LCOR: variants seen among roughly 807,000 people sequenced by gnomAD.
LCOR encodes ligand dependent nuclear receptor corepressor.
In LCOR, 14 loss-of-function variants were observed where a neutral mutation model predicts 64.4. The ratio of observed to expected loss-of-function variants is 0.22; its 90% confidence interval spans 0.14 to 0.34. LCOR has a LOEUF of 0.34. Ranked by LOEUF, LCOR falls within the 10% of genes least tolerant of loss-of-function variation. LCOR has a pLI of 1.00. For missense variants in LCOR, 1,686 were observed against 1,765.3 expected, an observed-to-expected ratio of 0.96 and a Z score of 0.80; for synonymous variants, 643 against 642.5, an observed-to-expected ratio of 1.00 and a Z score of -0.01.
rs1293763151 is a variant in LCOR at position 96,920,687 on chromosome 10, T to TGTATATAC, written c.-184+12947_-184+12948insCGTATATA. On this transcript the variant is annotated intron_variant, in intron 4 of 7. Transcript: ENST00000421806. ...GTATATATGTATATATTCATATATG[T>TGTATATAC]GTATATATGTTCATATATGTGTGTA... 4.2e-4 allele frequency among the ~76,000 whole-genome samples: 59 copies of TGTATATAC among 141,110 alleles called. 1 individual carries two copies. Among genetic ancestry groups the TGTATATAC allele is most frequent in the African/African-American group, 1.7e-3 (57 of 33,248 alleles). The allele number at this position is 141,110 out of a possible 152,430, so 92.6% of individuals were successfully genotyped here. A position where few individuals can be genotyped will look rare whatever the true frequency, so the allele number is the denominator to read the frequency against.
chr10:96,991,753 GC>G lies in LCOR; in HGVS notation c.*6622del, dbSNP rs1440631841. 20 of 152,192 alleles carry G rather than the reference GC, an allele frequency of 1.3e-4. No individual in the cohort carries two copies. The highest frequency in any genetic ancestry group is 4.8e-4 in the African/African-American group (20 of 41,434). 9.4% of individuals were successfully genotyped at this position (152,192 alleles called of 1,614,324 possible). ...GACAGAACAAGTTCAGGGCTCTCCA[GC>G]CCAGCCCGAGTCACTGCTCGTTCTG... On this transcript the variant is annotated 3_prime_UTR_variant, in exon 8 of 8. Transcript: ENST00000421806.
chr10:96,918,780 G>A (rs1589655032), intron 4 of LCOR, among the ~76,000 whole-genome samples: 2 of 152,178 alleles, frequency 1.3e-5, no homozygotes, highest in African/African-American at 2.4e-5. Context: ...TATAAGAACC[G>A]TGGCCAACTG....
intron 7 of LCOR, 65 bp downstream of exon 7, chr10:96,952,261 G>C: frequency 9.2e-7 from 1 of 1,081,414 alleles, no homozygotes; most frequent in Non-Finnish European, 1.4e-6. Context: ...GTTGATGCCA[G>C]TCTCCCTTTT....
chr10:96,850,526 C>T (rs1220771727), intron 2 of LCOR, among the ~76,000 whole-genome samples: 1 of 152,118 alleles, frequency 6.6e-6, no homozygotes, highest in South Asian at 2.1e-4. Flanking sequence ...GCATCTCTGT[C>T]ACCCAGGCTG....
rs545314299 is a variant in LCOR, at chr10:96,932,272, G to GA, written c.-183-11837dup. Among the ~76,000 whole-genome samples, 13 of 151,956 alleles carry GA rather than the reference G, an allele frequency of 8.6e-5. No homozygotes were observed. The South Asian group carries it at 2.7e-3, about 32-fold the overall frequency. ...AAAAAGTACCCTCAAACATTGCTTG[G>GA]AAAATTAAGTGTTATTCAGTAGATG... On this transcript the variant is annotated intron_variant, in intron 4 of 7. Coordinates refer to ENST00000421806, the MANE Select transcript of LCOR (RefSeq NM_001346516.2).
intron 4 of LCOR, among the ~76,000 whole-genome samples, chr10:96,930,993 A>G (rs937071008): frequency 1.3e-5 from 2 of 152,206 alleles, no homozygotes; most frequent in African/African-American, 4.8e-5. Flanking sequence ...GACAAACTCC[A>G]TATTTGAAAA....
chr10:96,987,642 T>A lies in LCOR; in HGVS notation c.*2508T>A, dbSNP rs1384910331. 2 of 152,250 alleles carry A rather than the reference T, an allele frequency of 1.3e-5. No individual in the cohort carries two copies. The highest frequency in any genetic ancestry group is 4.8e-5 in the African/African-American group (2 of 41,462). 9.4% of individuals were successfully genotyped at this position (152,250 alleles called of 1,614,324 possible). On this transcript the variant is annotated 3_prime_UTR_variant, in exon 8 of 8. Coordinates refer to ENST00000421806, the MANE Select transcript of LCOR (RefSeq NM_001346516.2). ...AGGACATTTAAATAGACCAAGAGTC[T>A]ACATAATTATGACACTTAAAAGTTT...
rs377651682 is a variant in LCOR, at chr10:96,868,399, C to T, written c.-330+34920C>T. On this transcript the variant is annotated intron_variant, in intron 2 of 7. Transcript: ENST00000421806. The stretch of plus-strand genomic sequence containing the variant: ...AAGTGATTCTCCTGCCTCAGCTTCC[C>T]GAGTAGCTGGGATTACAGGCGCATG... 1.2e-3 allele frequency among the ~76,000 whole-genome samples: 175 copies of T among 151,656 alleles called. 1 individual carries two copies. The highest frequency in any genetic ancestry group is 3.8e-3 in the African/African-American group (156 of 41,334).
chr10:96,873,216 A>C (rs1331862832), intron 2 of LCOR, among the ~76,000 whole-genome samples: 1 of 152,298 alleles, frequency 6.6e-6, no homozygotes, highest in African/African-American at 2.4e-5. Flanking sequence ...CCATGAAGTA[A>C]ATGTTAATTC....
At chr10:96,976,408 GTTTC>G (rs1416109076) in intron 7 of LCOR, among the ~76,000 whole-genome samples, 1 of 152,136 alleles carries the variant, frequency 6.6e-6, no homozygotes, top group African/African-American at 2.4e-5. Flanking sequence ...TCCTGAACAT[GTTTC>G]TTTAGCATGC....
chr10:96,838,233 T>C (rs528075889), intron 2 of LCOR, among the ~76,000 whole-genome samples: 23 of 152,306 alleles, frequency 1.5e-4, no homozygotes, highest in Admixed American at 1.5e-3. Context: ...TGGGTTTCAG[T>C]TATTTCAAAT....
At chr10:96,901,641 A>ATT (rs1846639274) in intron 2 of LCOR, among the ~76,000 whole-genome samples, 2 of 152,158 alleles carry the variant, frequency 1.3e-5, no homozygotes, top group African/African-American at 4.8e-5. Flanking sequence ...TAAAAATCCT[A>ATT]TTTTACAGAT....
intron 7 of LCOR, among the ~76,000 whole-genome samples, chr10:96,979,963 G>A (rs1848069658): frequency 6.6e-6 from 1 of 152,222 alleles, no homozygotes; most frequent in Non-Finnish European, 1.5e-5. Flanking sequence ...GGGCAACATG[G>A]TGAAACCCCG....
At chr10:96,869,094 C>T (rs1047265601) in intron 2 of LCOR, among the ~76,000 whole-genome samples, 2 of 152,094 alleles carry the variant, frequency 1.3e-5, no homozygotes, top group South Asian at 2.1e-4. Context: ...TTAGTAGATA[C>T]GGGGTTTCAC....
chr10:96,915,918 G>C (rs115033127), intron 4 of LCOR: 70 of 400,620 alleles, frequency 1.7e-4, no homozygotes, highest in Non-Finnish European at 2.8e-4. Flanking sequence ...CAGCGACGGC[G>C]GCAGGATGTA....
intron 2 of LCOR, among the ~76,000 whole-genome samples, chr10:96,850,404 G>A (rs1442424060): frequency 6.6e-6 from 1 of 152,166 alleles, no homozygotes; most frequent in Non-Finnish European, 1.5e-5. Context: ...GATCAAGCAT[G>A]ATGAACTGAA....
chr10:96,930,399 C>CT (rs1847236959), intron 4 of LCOR, among the ~76,000 whole-genome samples: 1 of 152,084 alleles, frequency 6.6e-6, no homozygotes, highest in South Asian at 2.1e-4. Context: ...TTATAATCAC[C>CT]TTACCAATTC....
intron 2 of LCOR, among the ~76,000 whole-genome samples, chr10:96,837,517 A>T (rs992472980): frequency 1.1e-4 from 16 of 152,132 alleles, no homozygotes; most frequent in African/African-American, 3.9e-4. Flanking sequence ...GGCCTCCCAA[A>T]GTGCTGGGAT....
chr10:96,959,890 G>A (rs1227568989), intron 7 of LCOR: 1 of 152,160 alleles, frequency 6.6e-6, no homozygotes, highest in East Asian at 1.9e-4. Context: ...AGTGTGAAGT[G>A]TGTATTAGCT....
Sources: allele counts gnomAD v4.1 joint callset (sites outside exome capture counted in the v4.1 genomes callset), GRCh38; gene constraint gnomAD v4.1.1; transcripts MANE v1.5; gene names NCBI Gene and HGNC (gene_info 2026-07-23, HGNC 2026-07-21).